CAAP1: variants seen among roughly 807,000 people sequenced by gnomAD.
The protein encoded by CAAP1 is caspase activity and apoptosis inhibitor 1.
A neutral mutation model predicts 34.0 loss-of-function variants in CAAP1; 20 were observed. The observed-to-expected ratio is 0.59, with a 90% CI of 0.41 to 0.86. The LOEUF is 0.86. Among genes scored for constraint, CAAP1 ranks in the 40% least tolerant of loss-of-function variants. The pLI is 0.00. For synonymous variants in CAAP1, 213 were observed against 166.7 expected (o/e 1.28, Z -2.14); for missense variants, 538 against 450.5 (o/e 1.19, Z -1.76).
At chr9:26,870,763 T>G (rs959275771) in intron 4 of CAAP1, among the ~76,000 whole-genome samples, 1 of 151,652 alleles carries the variant, frequency 6.6e-6, no homozygotes, top group Admixed American at 6.6e-5. Context: ...AATATAGGCA[T>G]GCGCCATCAC....
rs374753499 is a variant in CAAP1 at position 26,842,515 on chromosome 9, A to G, written c.872T>C (p.Ile291Thr). 2 of 1,614,174 alleles carry G rather than the reference A, an allele frequency of 1.2e-6. No homozygotes were observed. The highest frequency in any genetic ancestry group is 8.5e-7 in the Non-Finnish European group (1 of 1,180,042). ...CTCAATGTCTTTCTCCAGGTCATCT[A>G]TCTGACCAGCTTCACTTTGGACTGT... Reference protein sequence around the residue: ...ENTVQSEAGQIDDLEKDIEKS... With the variant: ...ENTVQSEAGQTDDLEKDIEKS... The change falls in exon 6 of 6, where the codon ATA (isoleucine) becomes ACA (threonine). Residue 291 changes from isoleucine (I) to threonine (T), a missense_variant. Ile to Thr is a moderately conservative substitution (Grantham distance 89). Around this residue, in one of 3 missense-constraint regions of CAAP1, gnomAD observed 514 missense variants for 408.4 expected, o/e 1.26. Transcript: ENST00000333916.
intron 5 of CAAP1, among the ~76,000 whole-genome samples, chr9:26,850,396 G>A (rs1822718912): frequency 6.6e-6 from 1 of 152,194 alleles, no homozygotes; most frequent in Non-Finnish European, 1.5e-5. Flanking sequence ...ATTTGAGGAT[G>A]AAGTTACTTC....
At chr9:26,861,672 A>G (rs1823005862) in intron 4 of CAAP1, among the ~76,000 whole-genome samples, 2 of 152,350 alleles carry the variant, frequency 1.3e-5, no homozygotes, top group South Asian at 4.1e-4. Context: ...GTTCTGGAAT[A>G]CAGCTGCAAA....
intron 4 of CAAP1, among the ~76,000 whole-genome samples, chr9:26,861,735 A>C (rs1311591476): frequency 1.3e-5 from 2 of 152,178 alleles, no homozygotes; most frequent in Non-Finnish European, 1.5e-5. Context: ...ACTTTTCAGC[A>C]AAAAGGTCAA....
At chr9:26,892,071 C>T (rs1428674293) in intron 1 of CAAP1, among the ~76,000 whole-genome samples, 1 of 151,802 alleles carries the variant, frequency 6.6e-6, no homozygotes, top group Non-Finnish European at 1.5e-5. Context: ...AAGGTGAAGA[C>T]GAAGGGAGAA....
At chr9:26,870,068 T>C (rs1823237798) in intron 4 of CAAP1, 1 of 402,184 alleles carries the variant, frequency 2.5e-6, no homozygotes, top group Non-Finnish European at 3.3e-6. Context: ...TTAACGCAGA[T>C]GCAGCTACAA....
chr9:26,867,343 C>T (rs1376133279), intron 4 of CAAP1, among the ~76,000 whole-genome samples: 1 of 152,196 alleles, frequency 6.6e-6, no homozygotes, highest in Non-Finnish European at 1.5e-5. Flanking sequence ...ACCGTCAAAT[C>T]TCCTCCTGTT....
At position 26,843,431 on chromosome 9, in the gene CAAP1, T is replaced by C. The variant is rs142512640; in HGVS notation, c.740-784A>G. On this transcript the variant is annotated intron_variant, in intron 5 of 5. Coordinates refer to ENST00000333916, the MANE Select transcript of CAAP1 (RefSeq NM_024828.4). ...CTCACTTATATTCCTAATTAATTTATCTTTTAAATATTGAATATGTTTTTT... is the reference window on the plus strand; with the variant it reads ...CTCACTTATATTCCTAATTAATTTACCTTTTAAATATTGAATATGTTTTTT... Among the ~76,000 whole-genome samples the C allele has an allele frequency of 2.5e-3, 382 of 152,316 alleles. 4 individuals carry two copies. The highest frequency in any genetic ancestry group is 8.8e-3 in the African/African-American group (365 of 41,570).
intron 3 of CAAP1, among the ~76,000 whole-genome samples, chr9:26,885,095 T>TA: frequency 6.8e-6 from 1 of 146,218 alleles, no homozygotes; most frequent in South Asian, 2.1e-4. Context: ...TTTTTTTTTT[T>TA]AGACGGAGTG....
At chr9:26,890,752 T>C (rs969355348) in intron 1 of CAAP1, among the ~76,000 whole-genome samples, 2 of 152,150 alleles carry the variant, frequency 1.3e-5, no homozygotes, top group African/African-American at 4.8e-5. Context: ...AAGACCATCC[T>C]GGCTAACACG....
chr9:26,869,534 T>C (rs7018943), intron 4 of CAAP1, among the ~76,000 whole-genome samples: 19,233 of 152,202 alleles, frequency 0.13, 2,247 homozygotes, highest in East Asian at 0.68. Flanking sequence ...CATTTATATT[T>C]ATACAATGCC....
chr9:26,849,196 C>T (rs938102655), intron 5 of CAAP1, among the ~76,000 whole-genome samples: 6 of 152,190 alleles, frequency 3.9e-5, no homozygotes, highest in Non-Finnish European at 8.8e-5. Flanking sequence ...GGGATGAATG[C>T]ATGATAAAGC....
rs187763558 is a variant in CAAP1, at chr9:26,846,107, T to A, written c.740-3460A>T. Among the ~76,000 whole-genome samples the A allele has an allele frequency of 4.4e-4, 67 of 150,698 alleles. No homozygotes were observed. The East Asian group carries it at 0.012, about 26-fold the overall frequency. On this transcript the variant is annotated intron_variant, in intron 5 of 5. Transcript: ENST00000333916. The stretch of plus-strand genomic sequence containing the variant: ...GTTCCACAGCCAATTCTTCCTTCTT[T>A]CCAAGACTCAAGAAAGAGTTACACT...
chr9:26,846,971 G>C (rs1388412485), intron 5 of CAAP1, among the ~76,000 whole-genome samples: 2 of 151,988 alleles, frequency 1.3e-5, no homozygotes, highest in Non-Finnish European at 2.9e-5. Context: ...ACAGACATGA[G>C]CCACTGCGCC....
intron 5 of CAAP1, among the ~76,000 whole-genome samples, chr9:26,856,678 C>T (rs1038513359): frequency 6.6e-6 from 1 of 152,150 alleles, no homozygotes; most frequent in Non-Finnish European, 1.5e-5. Flanking sequence ...CTGTGTTAGA[C>T]CAAAAAATTT....
At chr9:26,889,072 T>C (rs574770886) in intron 1 of CAAP1, among the ~76,000 whole-genome samples, 2 of 152,348 alleles carry the variant, frequency 1.3e-5, no homozygotes, top group East Asian at 1.9e-4. Flanking sequence ...CCACATATTA[T>C]ATAAACTAAA....
At chr9:26,879,486 C>T (rs1221987878) in intron 4 of CAAP1, among the ~76,000 whole-genome samples, 1 of 152,098 alleles carries the variant, frequency 6.6e-6, no homozygotes, top group Non-Finnish European at 1.5e-5. Flanking sequence ...TACTTAGGTA[C>T]TGTGATGGTT....
In CAAP1 at chr9:26,885,681, T is replaced by C. The variant is rs143993457; in HGVS notation, c.589+423A>G. 1.6e-4 allele frequency among the ~76,000 whole-genome samples: 25 copies of C among 152,214 alleles called. No homozygotes were observed. In the East Asian group the frequency reaches 2.7e-3, roughly 17 times the overall value. On this transcript the variant is annotated intron_variant, in intron 3 of 5. Transcript: ENST00000333916. ...CTACAGGCAGACAAACAAATATTGG[T>C]AAATTGCATGGAAGTATTCTAACTC...
intron 4 of CAAP1, among the ~76,000 whole-genome samples, chr9:26,870,827 G>C (rs1239458587): frequency 1.3e-5 from 2 of 151,736 alleles, no homozygotes; most frequent in African/African-American, 2.4e-5. Context: ...ATGTTAGCTG[G>C]GGTGGTCTCA....
Sources: gnomAD v4.1 joint callset for allele counts (sites outside exome capture counted in the v4.1 genomes callset) on GRCh38, gnomAD v4.1.1 for gene constraint, gnomAD v4.1.1 regional missense constraint, MANE v1.5 for transcripts, NCBI Gene and HGNC (gene_info 2026-07-23, HGNC 2026-07-21) for gene names.